MSR1: variants seen among roughly 807,000 people sequenced by gnomAD.
MSR1 encodes the protein macrophage scavenger receptor 1.
Under a neutral mutation model 47.2 loss-of-function variants are expected in MSR1, and 53 were observed. That is an observed-to-expected ratio of 1.12 (90% CI 0.90 to 1.41). MSR1 has a LOEUF of 1.41. Ranked by LOEUF, MSR1 falls within the 40% of genes most tolerant of loss-of-function variation. The probability of loss-of-function intolerance (pLI) is 0.00; values close to 1 mark genes in which losing one functional copy is unlikely to be tolerated. For missense variants in MSR1, 786 were observed against 546.9 expected (o/e 1.44, Z -4.36); for synonymous variants, 239 against 185.6 (o/e 1.29, Z -2.34).
intron 8 of MSR1, chr8:16,140,990 A>G (rs1223950907): frequency 6.2e-6 from 10 of 1,613,822 alleles, no homozygotes; most frequent in Non-Finnish European, 8.5e-6. Flanking sequence ...GTCCCGCCCA[A>G]CCCACCTGAT....
chr8:16,152,802 C>T (rs1406781898), intron 6 of MSR1, among the ~76,000 whole-genome samples: 2 of 151,950 alleles, frequency 1.3e-5, no homozygotes, highest in Non-Finnish European at 2.9e-5. Context: ...TATATTACTA[C>T]TTATCATCCT....
At chr8:16,167,771 G>A (rs34782130) in intron 4 of MSR1, among the ~76,000 whole-genome samples, 2 of 151,816 alleles carry the variant, frequency 1.3e-5, no homozygotes, top group South Asian at 2.1e-4. Flanking sequence ...TAACATTTTC[G>A]CTTTCTGTCT....
chr8:16,168,848 C>T lies in MSR1; in HGVS notation c.240G>A (p.Thr80=), dbSNP rs749203568. 6 of 1,613,326 alleles carry T rather than the reference C, an allele frequency of 3.7e-6. No individual in the cohort carries two copies. Among genetic ancestry groups the T allele is most frequent in the Non-Finnish European group, 4.2e-6 (5 of 1,179,982 alleles). ...IVAAQLLKWE[T]KNCSVSSTNA... is the part of the protein sequence containing the mutation. ...TAGTTGAACTAACTGAGCAATTCTT[C>T]GTTTCCCACTTCAGGAGTTGAGCTG... is the stretch of plus-strand genomic sequence containing the variant. Residue 80 remains threonine (T), a synonymous_variant, in exon 4 of 10, where the codon ACG becomes ACA. Transcript: ENST00000262101.
At position 16,175,373 on chromosome 8, in the gene MSR1, T is replaced by C; in HGVS notation, c.104-73A>G. 4 of 1,184,836 alleles carry C rather than the reference T, an allele frequency of 3.4e-6. No individual in the cohort carries two copies. The South Asian group carries it at 5.0e-5, about 15-fold the overall frequency. The allele number at this position is 1,184,836 out of a possible 1,614,324, so 73.4% of individuals were successfully genotyped here. ...TTCCATAATTAAAATTGTTTTAATCTCCAATTATATTCTTACTACCAAGCC... is the reference window on the plus strand; with the variant it reads ...TTCCATAATTAAAATTGTTTTAATCCCCAATTATATTCTTACTACCAAGCC... On this transcript the variant is annotated intron_variant, in intron 2 of 9. Transcript: ENST00000262101.
chr8:16,117,972 A>G (rs1039955500), intron 9 of MSR1, among the ~76,000 whole-genome samples: 1 of 152,114 alleles, frequency 6.6e-6, no homozygotes, highest in Admixed American at 6.6e-5. Flanking sequence ...TCTGTGGAAA[A>G]ATTGTCTTCC....
intron 5 of MSR1, among the ~76,000 whole-genome samples, chr8:16,157,090 G>A (rs985597315): frequency 5.3e-5 from 8 of 151,978 alleles, no homozygotes; most frequent in Admixed American, 1.3e-4. Context: ...AAAAAAGTGC[G>A]CAAGCAAAGA....
At chr8:16,167,770 C>T (rs534715581) in intron 4 of MSR1, among the ~76,000 whole-genome samples, 6 of 152,250 alleles carry the variant, frequency 3.9e-5, no homozygotes, top group South Asian at 2.1e-4. Context: ...CTAACATTTT[C>T]GCTTTCTGTC....
chr8:16,149,029 G>C (rs1311504964), intron 7 of MSR1, among the ~76,000 whole-genome samples: 2 of 152,094 alleles, frequency 1.3e-5, no homozygotes, highest in South Asian at 2.1e-4. Flanking sequence ...AGATTGTGGT[G>C]GGGAGGAATA....
At chr8:16,171,571 G>A (rs907881635) in intron 3 of MSR1, among the ~76,000 whole-genome samples, 1 of 152,044 alleles carries the variant, frequency 6.6e-6, no homozygotes. Context: ...CCTCATCCAT[G>A]CATTCATTAA....
At chr8:16,177,250 T>TA (rs1432569930) in intron 2 of MSR1, among the ~76,000 whole-genome samples, 2 of 152,080 alleles carry the variant, frequency 1.3e-5, no homozygotes, top group Non-Finnish European at 1.5e-5. Flanking sequence ...GTAATCAAGT[T>TA]AAAATGAAGT....
intron 5 of MSR1, among the ~76,000 whole-genome samples, chr8:16,159,055 G>C (rs1200906390): frequency 6.8e-6 from 1 of 148,024 alleles, no homozygotes; most frequent in East Asian, 2.1e-4. Context: ...TATTGTCTCA[G>C]CCTCCCAAAG....
intron 9 of MSR1, among the ~76,000 whole-genome samples, chr8:16,117,031 G>C (rs1211235203): frequency 6.6e-6 from 1 of 152,012 alleles, no homozygotes; most frequent in Non-Finnish European, 1.5e-5. Context: ...CTGTACTACT[G>C]GGCTAGTTTC....
intron 4 of MSR1, among the ~76,000 whole-genome samples, chr8:16,167,777 T>A (rs1801357271): frequency 6.6e-6 from 1 of 152,218 alleles, no homozygotes; most frequent in South Asian, 2.1e-4. Context: ...TTTCGCTTTC[T>A]GTCTTTCTTA....
At chr8:16,135,099 G>T (rs1054677560) in intron 8 of MSR1, among the ~76,000 whole-genome samples, 3 of 152,126 alleles carry the variant, frequency 2.0e-5, no homozygotes, top group African/African-American at 7.2e-5. Context: ...TTGTCCAGAA[G>T]ATCTAGTTAG....
rs544322706 is a variant in MSR1, at chr8:16,186,861, C to A, written c.-5+5737G>T. 5.1e-4 allele frequency among the ~76,000 whole-genome samples: 77 copies of A among 152,118 alleles called. 2 individuals carry two copies. In the South Asian group the frequency reaches 0.016, roughly 32 times the overall value. Reference sequence around the variant, plus strand: ...ACTCTTTAGCCTCAAGCAATCTACCCACCTCAGCCTCCCAAATTTTTGGCA... The same window carrying A: ...ACTCTTTAGCCTCAAGCAATCTACCAACCTCAGCCTCCCAAATTTTTGGCA... On this transcript the variant is annotated intron_variant, in intron 1 of 9. Transcript: ENST00000262101.
rs866991552 is a variant in MSR1 at position 16,168,871 on chromosome 8, C to T, written c.218-1G>A. The T allele has an allele frequency of 1.2e-6, 2 of 1,611,758 alleles. No homozygotes were observed. The highest frequency in any genetic ancestry group is 1.7e-5 in the Admixed American group (1 of 60,020). On this transcript the variant is annotated splice_acceptor_variant, in intron 3 of 9. Coordinates refer to ENST00000262101, the MANE Select transcript of MSR1 (RefSeq NM_138715.3). LOFTEE classifies it high-confidence loss of function. ...TTCGTTTCCCACTTCAGGAGTTGAG[C>T]TGTATATTTAAGTAAAAATAAACCA...
At chr8:16,134,519 T>C (rs1800343003) in intron 8 of MSR1, among the ~76,000 whole-genome samples, 1 of 152,140 alleles carries the variant, frequency 6.6e-6, no homozygotes, top group Admixed American at 6.6e-5. Flanking sequence ...CTCCACCAAC[T>C]GGCTGTTCCC....
intron 1 of MSR1, among the ~76,000 whole-genome samples, chr8:16,187,346 A>G (rs1433351954): frequency 6.8e-6 from 1 of 147,926 alleles, no homozygotes; most frequent in Non-Finnish European, 1.5e-5. Context: ...CTGGGCAACA[A>G]GAATAAAACT....
chr8:16,139,130 G>A (rs2117101060), intron 8 of MSR1, among the ~76,000 whole-genome samples: 1 of 152,258 alleles, frequency 6.6e-6, no homozygotes, highest in East Asian at 1.9e-4. Flanking sequence ...GGTCACACTT[G>A]CATTGCTCTA....
Sources: gnomAD v4.1 joint callset for allele counts (sites outside exome capture counted in the v4.1 genomes callset) on GRCh38, gnomAD v4.1.1 for gene constraint, MANE v1.5 for transcripts, NCBI Gene and HGNC (gene_info 2026-07-23, HGNC 2026-07-21) for gene names.